PDE4D: variants seen among roughly 807,000 people sequenced by gnomAD.
PDE4D encodes 3',5'-cyclic-AMP phosphodiesterase 4D.
A neutral mutation model predicts 87.4 loss-of-function variants in PDE4D; 24 were observed. The observed-to-expected ratio is 0.27, with a 90% CI of 0.20 to 0.39. PDE4D has a LOEUF of 0.39. PDE4D is among the 10% of genes least tolerant of loss of function. PDE4D has a pLI of 1.00. For synonymous variants in PDE4D, 384 were observed against 383.2 expected (o/e 1.00, Z -0.02); for missense variants, 714 against 1,041.0 (o/e 0.69, Z 4.32).
At chr5:59,196,542 T>C (rs1745491440) in intron 2 of PDE4D, among the ~76,000 whole-genome samples, 1 of 152,160 alleles carries the variant, frequency 6.6e-6, no homozygotes, top group South Asian at 2.1e-4. Context: ...GTAGCCTAAC[T>C]CTCACAAAAC....
intron 1 of PDE4D, among the ~76,000 whole-genome samples, chr5:59,602,004 T>C (rs1827575887): frequency 6.6e-6 from 1 of 151,916 alleles, no homozygotes; most frequent in Non-Finnish European, 1.5e-5. Context: ...TTCTGATGAA[T>C]ATAGATGCAA....
chr5:59,188,817 T>C (rs1025608055), intron 3 of PDE4D, among the ~76,000 whole-genome samples: 1 of 152,230 alleles, frequency 6.6e-6, no homozygotes, highest in Non-Finnish European at 1.5e-5. Flanking sequence ...TTAAACCCTA[T>C]GAAATTGCTG....
At chr5:59,137,394 G>T (rs1042401249) in intron 5 of PDE4D, among the ~76,000 whole-genome samples, 34 of 152,142 alleles carry the variant, frequency 2.2e-4, no homozygotes, top group South Asian at 1.7e-3. Context: ...AAATCTAAAT[G>T]GGTTTTCAAG....
At chr5:59,666,158 G>A (rs539175926) in intron 1 of PDE4D, among the ~76,000 whole-genome samples, 20 of 152,084 alleles carry the variant, frequency 1.3e-4, no homozygotes, top group South Asian at 4.2e-4. Flanking sequence ...ATGGGGTTTC[G>A]CCATGTTGCC....
At chr5:59,361,066 AT>A (rs143576397) in intron 1 of PDE4D, among the ~76,000 whole-genome samples, 4 of 151,902 alleles carry the variant, frequency 2.6e-5, no homozygotes, top group Non-Finnish European at 4.4e-5. Context: ...TAATTTTAGG[AT>A]TTTTTTTAGC....
intron 1 of PDE4D, among the ~76,000 whole-genome samples, chr5:59,415,682 T>A (rs182409887): frequency 7.2e-5 from 11 of 152,262 alleles, no homozygotes; most frequent in African/African-American, 2.6e-4. Context: ...AATTAATATG[T>A]GATGTAAGTA....
intron 1 of PDE4D, among the ~76,000 whole-genome samples, chr5:59,390,327 G>GA (rs946488996): frequency 1.6e-4 from 24 of 152,190 alleles, no homozygotes; most frequent in African/African-American, 5.5e-4. Context: ...TCTCTTCCCT[G>GA]AAAAATAATA....
rs16890260 is a variant in PDE4D, at chr5:59,836,888, T to C, written c.455+56280A>G. 7.2e-3 allele frequency among the ~76,000 whole-genome samples: 1,098 copies of C among 152,042 alleles called. 10 individuals are homozygous for C. Among genetic ancestry groups the C allele is most frequent in the African/African-American group, 0.025 (1,048 of 41,522 alleles). ...TCCATAATAAAATTCTCATCATACA[T>C]CCTGGTTTTTCTTTACTTCTTTGCA... On this transcript the variant is annotated intron_variant, in intron 1 of 14. Coordinates refer to ENST00000340635, the MANE Select transcript of PDE4D (RefSeq NM_001104631.2).
chr5:59,442,520 CATA>C (rs1562196918), intron 1 of PDE4D, among the ~76,000 whole-genome samples: 2 of 152,168 alleles, frequency 1.3e-5, no homozygotes, highest in African/African-American at 2.4e-5. Flanking sequence ...CACAGGAGCA[CATA>C]ATGTGAGTGA....
At chr5:60,289,193 T>C (rs1243755533) in intron 1 of PDE4D, among the ~76,000 whole-genome samples, 4 of 152,184 alleles carry the variant, frequency 2.6e-5, no homozygotes, top group Non-Finnish European at 5.9e-5. Flanking sequence ...GTTAGAAAAA[T>C]GTTTATAACA....
At chr5:60,255,571 G>A (rs771646948) in intron 1 of PDE4D, among the ~76,000 whole-genome samples, 9 of 151,782 alleles carry the variant, frequency 5.9e-5, no homozygotes, top group Non-Finnish European at 1.2e-4. Context: ...TCTTCTCTAT[G>A]AGCCTCAATT....
At chr5:59,817,132 G>T (rs570747225) in intron 1 of PDE4D, among the ~76,000 whole-genome samples, 1 of 152,302 alleles carries the variant, frequency 6.6e-6, no homozygotes, top group Non-Finnish European at 1.5e-5. Flanking sequence ...GAGGATGATA[G>T]GCAGGGCACC....
At chr5:60,415,991 T>C (rs1742502310) in intron 1 of PDE4D, among the ~76,000 whole-genome samples, 1 of 152,216 alleles carries the variant, frequency 6.6e-6, no homozygotes, top group African/African-American at 2.4e-5. Context: ...CAGCACCCTG[T>C]GTCTATCTCA....
intron 1 of PDE4D, among the ~76,000 whole-genome samples, chr5:60,367,772 T>C (rs968636201): frequency 1.3e-5 from 2 of 152,142 alleles, no homozygotes; most frequent in African/African-American, 2.4e-5. Flanking sequence ...TAAATTAATT[T>C]TTTCTGAGCC....
Position 60,493,157 on chromosome 5 carries a change from A to T in PDE4D, n.70+28894T>A, listed in dbSNP as rs76910564. The stretch of plus-strand genomic sequence containing the variant: ...TGTCATGCAAGGACACTAACCCAGG[A>T]CATGACACACAAGGGGTAACAGTAG... On this transcript the variant is annotated intron_variant and non_coding_transcript_variant, in intron 1 of 2. Coordinates refer to the PDE4D transcript ENST00000506510. Among the ~76,000 whole-genome samples, 352 of 152,348 alleles carry T rather than the reference A, an allele frequency of 2.3e-3. 1 individual carries two copies. The highest frequency in any genetic ancestry group is 8.2e-3 in the African/African-American group (342 of 41,584).
chr5:60,357,264 G>A (rs1167037784), intron 1 of PDE4D, among the ~76,000 whole-genome samples: 1 of 151,886 alleles, frequency 6.6e-6, no homozygotes, highest in African/African-American at 2.4e-5. Context: ...ACAGAACCAA[G>A]CTCTTCTCAT....
chr5:60,289,604 A>G (rs1752710482), intron 1 of PDE4D, among the ~76,000 whole-genome samples: 1 of 152,162 alleles, frequency 6.6e-6, no homozygotes, highest in Non-Finnish European at 1.5e-5. Flanking sequence ...AATTACTGAG[A>G]TGGTTATAGA....
chr5:59,347,951 G>T (rs924085639), intron 1 of PDE4D, among the ~76,000 whole-genome samples: 1 of 151,990 alleles, frequency 6.6e-6, no homozygotes, highest in African/African-American at 2.4e-5. Context: ...CTTTGTAAAG[G>T]TTTCCCTGGC....
chr5:59,864,709 C>A (rs1746762478), intron 1 of PDE4D, among the ~76,000 whole-genome samples: 2 of 152,052 alleles, frequency 1.3e-5, no homozygotes, highest in African/African-American at 4.8e-5. Flanking sequence ...AATAACAAAC[C>A]CAACAGACTG....
Sources: gnomAD v4.1 joint callset for allele counts (sites outside exome capture counted in the v4.1 genomes callset) on GRCh38, gnomAD v4.1.1 for gene constraint, MANE v1.5 for transcripts, NCBI Gene and HGNC (gene_info 2026-07-23, HGNC 2026-07-21) for gene names.